RBPMS2: variants seen among roughly 807,000 people sequenced by gnomAD.
RBPMS2 encodes the protein RNA binding protein, mRNA processing factor 2.
Under a neutral mutation model 25.7 loss-of-function variants are expected in RBPMS2, and 14 were observed. The ratio of observed to expected loss-of-function variants is 0.55; its 90% confidence interval spans 0.36 to 0.85. The LOEUF is 0.85. RBPMS2 is among the 40% of genes least tolerant of loss of function. The pLI, the probability that RBPMS2 is intolerant of heterozygous loss-of-function variation, is 0.01. For synonymous variants in RBPMS2, 127 were observed against 115.6 expected (o/e 1.10, Z -0.63); for missense variants, 252 against 283.4 (o/e 0.89, Z 0.80).
chr15:64,749,176 A>G, intron 4 of RBPMS2, 26 bp from the exon 5 acceptor site: 1 of 1,613,504 alleles, frequency 6.2e-7, no homozygotes, highest in Non-Finnish European at 8.5e-7. Context: ...AAAGAAGAGA[A>G]AGGCTTACTC....
At chr15:64,757,445 A>G (rs764702009) in intron 1 of RBPMS2, among the ~76,000 whole-genome samples, 1 of 152,208 alleles carries the variant, frequency 6.6e-6, no homozygotes, top group African/African-American at 2.4e-5. Context: ...AAGGTTGTCT[A>G]CTGAAGCTGG....
chr15:64,750,243 C>T (rs866597915), intron 3 of RBPMS2, 100 bp downstream of exon 3: 2 of 1,038,074 alleles, frequency 1.9e-6, no homozygotes, highest in Non-Finnish European at 1.5e-6. Context: ...AAGTCTGTAC[C>T]GCCAGATGCC....
chr15:64,772,184 T>G (rs1023971241), intron 1 of RBPMS2, among the ~76,000 whole-genome samples: 1 of 152,158 alleles, frequency 6.6e-6, no homozygotes, highest in Admixed American at 6.5e-5. Flanking sequence ...GTCTCCACTT[T>G]CAAAATAGAA....
chr15:64,753,685 T>C (rs1449147895), intron 1 of RBPMS2, among the ~76,000 whole-genome samples: 1 of 152,050 alleles, frequency 6.6e-6, no homozygotes, highest in Non-Finnish European at 1.5e-5. Flanking sequence ...GGACGCATCT[T>C]CTCCCTTGGG....
intron 1 of RBPMS2, among the ~76,000 whole-genome samples, chr15:64,756,423 G>A (rs138308929): frequency 1.4e-4 from 21 of 151,690 alleles, no homozygotes; most frequent in African/African-American, 4.8e-4. Context: ...GCTGAGGCAC[G>A]AGAATCCCCT....
rs977773374 is a variant in RBPMS2 at position 64,770,187 on chromosome 15, GA to G, written c.87+5045del. Among the ~76,000 whole-genome samples the G allele has an allele frequency of 1.2e-4, 18 of 146,276 alleles. No individual in the cohort carries two copies. The East Asian group carries it at 2.6e-3, about 21-fold the overall frequency. ...TGGCGAGACTCCGTCTCAAAAAAAA[GA>G]AAAAAAAAAGAAAATTGCAGATACC... On this transcript the variant is annotated intron_variant, in intron 1 of 7. Coordinates refer to ENST00000300069, the MANE Select transcript of RBPMS2 (RefSeq NM_194272.3).
chr15:64,744,020 C>A (rs919853310), intron 6 of RBPMS2, among the ~76,000 whole-genome samples: 42 of 151,694 alleles, frequency 2.8e-4, no homozygotes, highest in African/African-American at 9.7e-4. Context: ...GCAGGAGGAT[C>A]GTGCTTGAGC....
At chr15:64,748,977 T>A (rs779964911) in intron 5 of RBPMS2, 23 bp downstream of exon 5, 17 of 1,613,436 alleles carry the variant, frequency 1.1e-5, no homozygotes, top group Non-Finnish European at 1.4e-5. Context: ...CATGAGGGCC[T>A]GCCAGCTCAG....
In RBPMS2 at chr15:64,741,166, C is replaced by A. The variant is rs1477046163; in HGVS notation, c.*7+7G>T. On this transcript the variant is annotated splice_region_variant and intron_variant, in intron 7 of 7. Transcript: ENST00000300069. Reference sequence around the variant, plus strand: ...ACTTGTCCTGGGCCTCTGGGGCCAACACTTACTGAAAAACTAACAGAACTG... The same window carrying A: ...ACTTGTCCTGGGCCTCTGGGGCCAAAACTTACTGAAAAACTAACAGAACTG... The A allele has an allele frequency of 6.4e-7, 1 of 1,567,854 alleles. No homozygotes were observed. The highest frequency in any genetic ancestry group is 1.2e-5 in the South Asian group (1 of 85,156).
chr15:64,757,946 C>T (rs1303808596), intron 1 of RBPMS2, among the ~76,000 whole-genome samples: 3 of 152,038 alleles, frequency 2.0e-5, no homozygotes, highest in African/African-American at 4.8e-5. Flanking sequence ...ACTTGAATTC[C>T]AGCCTGGGCA....
chr15:64,763,771 T>C (rs1166358540), intron 1 of RBPMS2, among the ~76,000 whole-genome samples: 1 of 144,804 alleles, frequency 6.9e-6, no homozygotes, highest in South Asian at 2.2e-4. Flanking sequence ...TTCCTCATAA[T>C]GTGCAATGTG....
intron 1 of RBPMS2, among the ~76,000 whole-genome samples, chr15:64,752,427 T>C (rs1389271967): frequency 2.0e-5 from 3 of 152,128 alleles, no homozygotes; most frequent in African/African-American, 7.2e-5. Context: ...CTCCTGCTCC[T>C]ACACGAGATG....
intron 6 of RBPMS2, among the ~76,000 whole-genome samples, chr15:64,745,523 A>C (rs958516586): frequency 4.6e-5 from 7 of 152,168 alleles, no homozygotes; most frequent in Non-Finnish European, 7.3e-5. Flanking sequence ...TAAGGGGGAG[A>C]AAAAAGCCAT....
intron 1 of RBPMS2, among the ~76,000 whole-genome samples, chr15:64,773,610 T>C (rs1163733157): frequency 6.6e-6 from 1 of 152,164 alleles, no homozygotes; most frequent in Non-Finnish European, 1.5e-5. Context: ...GGGTCACCCT[T>C]CTCACCCAAC....
intron 1 of RBPMS2, among the ~76,000 whole-genome samples, chr15:64,758,325 G>A (rs73473041): frequency 0.017 from 2,623 of 152,346 alleles, 78 homozygotes; most frequent in African/African-American, 0.056. Flanking sequence ...TGGCAAGTAA[G>A]AGCAGAAATG....
At chr15:64,745,481 C>T (rs967669638) in intron 6 of RBPMS2, among the ~76,000 whole-genome samples, 1 of 152,070 alleles carries the variant, frequency 6.6e-6, no homozygotes, top group Non-Finnish European at 1.5e-5. Flanking sequence ...TTTATGTAAC[C>T]TTAAGGTCAC....
At chr15:64,758,072 C>T (rs559576377) in intron 1 of RBPMS2, among the ~76,000 whole-genome samples, 1 of 152,336 alleles carries the variant, frequency 6.6e-6, no homozygotes, top group East Asian at 1.9e-4. Context: ...AACCAAATAA[C>T]TCATGTCCTG....
intron 1 of RBPMS2, among the ~76,000 whole-genome samples, chr15:64,760,031 T>C (rs1264282333): frequency 2.6e-5 from 4 of 152,210 alleles, no homozygotes; most frequent in Non-Finnish European, 4.4e-5. Flanking sequence ...GACACTGCCA[T>C]GGGCAGACCT....
chr15:64,760,940 C>A (rs765058899), intron 1 of RBPMS2, among the ~76,000 whole-genome samples: 4 of 151,734 alleles, frequency 2.6e-5, no homozygotes, highest in Non-Finnish European at 5.9e-5. Flanking sequence ...TAGAGGCCAA[C>A]TCTGGCCTTC....
Sources: allele counts gnomAD v4.1 joint callset (sites outside exome capture counted in the v4.1 genomes callset), GRCh38; gene constraint gnomAD v4.1.1; transcripts MANE v1.5; gene names NCBI Gene and HGNC (gene_info 2026-07-23, HGNC 2026-07-21).